MYO10: variants seen among roughly 807,000 people sequenced by gnomAD.
MYO10 encodes the protein unconventional myosin-X.
In MYO10, 133 loss-of-function variants were observed where a neutral mutation model predicts 257.3. The ratio of observed to expected loss-of-function variants is 0.52; its 90% CI spans 0.45 to 0.60. The LOEUF (loss-of-function observed/expected upper bound fraction) is 0.60. Ranked by LOEUF, MYO10 falls within the 20% of genes least tolerant of loss-of-function variation. The probability of loss-of-function intolerance (pLI) is 0.00; values close to 1 mark genes in which losing one functional copy is unlikely to be tolerated. For missense variants in MYO10, 2,399 were observed against 2,635.7 expected (o/e 0.91, Z 1.97); for synonymous variants, 1,104 against 1,028.6 (o/e 1.07, Z -1.40).
intron 19 of MYO10, among the ~76,000 whole-genome samples, chr5:16,754,027 A>C (rs952421922): frequency 7.9e-5 from 12 of 152,186 alleles, no homozygotes; most frequent in African/African-American, 2.9e-4. Flanking sequence ...CATTACAATT[A>C]AATTACATAA....
intron 1 of MYO10, among the ~76,000 whole-genome samples, chr5:16,883,930 T>C (rs1744825733): frequency 6.6e-6 from 1 of 152,232 alleles, no homozygotes. Context: ...GAACATTCTT[T>C]AGCCAAACAT....
chr5:16,711,684 A>AG (rs1452888648), intron 19 of MYO10, among the ~76,000 whole-genome samples: 2 of 152,172 alleles, frequency 1.3e-5, no homozygotes, highest in Non-Finnish European at 2.9e-5. Context: ...CGGGAGGCTG[A>AG]GGCAGGAGAA....
At chr5:16,871,263 G>C (rs1310825337) in intron 2 of MYO10, among the ~76,000 whole-genome samples, 4 of 152,146 alleles carry the variant, frequency 2.6e-5, no homozygotes, top group Non-Finnish European at 5.9e-5. Flanking sequence ...AAGTAACCAA[G>C]GACAGGCTTG....
chr5:16,780,639 G>A (rs1465635957), intron 7 of MYO10, 31 bp from the exon 8 acceptor site: 5 of 1,551,236 alleles, frequency 3.2e-6, no homozygotes, highest in Non-Finnish European at 4.4e-6. Flanking sequence ...TATATTCAGA[G>A]ATGTGTCCTG....
At chr5:16,930,134 A>G (rs1035426511) in intron 1 of MYO10, among the ~76,000 whole-genome samples, 6 of 152,218 alleles carry the variant, frequency 3.9e-5, no homozygotes, top group African/African-American at 1.4e-4. Context: ...TAAAGCCTCT[A>G]GCTAACAGCA....
At position 16,763,770 on chromosome 5, in the gene MYO10, C is replaced by T. The variant is rs778687421; in HGVS notation, c.1327-15G>A. The T allele has an allele frequency of 1.9e-5, 27 of 1,440,948 alleles. 1 individual carries two copies. In the East Asian group the frequency reaches 5.5e-4, roughly 29 times the overall value. 89.3% of individuals were successfully genotyped at this position (1,440,948 alleles called of 1,614,324 possible). On this transcript the variant is annotated splice_polypyrimidine_tract_variant and intron_variant, in intron 12 of 40. Transcript: ENST00000513610. The stretch of plus-strand genomic sequence containing the variant: ...AAGTGATTAACCTAAGGGGGGAAAG[C>T]ATTCAATAAGTATCTTTAGTGTACT...
rs148919918 is a variant in MYO10 at position 16,711,787 on chromosome 5, GA to G, written c.1930-543del. On this transcript the variant is annotated intron_variant, in intron 19 of 40. Transcript: ENST00000513610. The stretch of plus-strand genomic sequence containing the variant: ...GTCTCAAAAAACAAAAAGAAAAAAA[GA>G]AAAAAAAAAGGAAAATCCCAAACAT... Among the ~76,000 whole-genome samples, 1,035 of 143,660 alleles carry G rather than the reference GA, an allele frequency of 7.2e-3. 4 individuals are homozygous for G. The highest frequency in any genetic ancestry group is 0.013 in the South Asian group (58 of 4,520). The allele number at this position is 143,660 out of a possible 152,430, so 94.2% of individuals were successfully genotyped here.
intron 35 of MYO10, 30 bp from the exon 36 acceptor site, chr5:16,673,919 T>C (rs1309413145): frequency 6.2e-7 from 1 of 1,601,720 alleles, no homozygotes; most frequent in South Asian, 1.1e-5. Flanking sequence ...TGTTAATTTT[T>C]AGACTGATGG....
At chr5:16,751,192 C>T (rs75185363) in intron 19 of MYO10, among the ~76,000 whole-genome samples, 2,092 of 152,114 alleles carry the variant, frequency 0.014, 52 homozygotes, top group African/African-American at 0.048. Context: ...TACACATTCC[C>T]CATCTCTGGA....
chr5:16,861,004 T>C (rs370068891), intron 2 of MYO10, among the ~76,000 whole-genome samples: 33 of 152,164 alleles, frequency 2.2e-4, no homozygotes, highest in African/African-American at 7.5e-4. Flanking sequence ...CTGAACCTGG[T>C]TGCTCATTAA....
rs545837514 is a variant in MYO10 at position 16,840,228 on chromosome 5, C to T, written c.121-22061G>A. 2.6e-5 allele frequency among the ~76,000 whole-genome samples: 4 copies of T among 152,180 alleles called. No homozygotes were observed. The East Asian group carries it at 7.8e-4, about 30-fold the overall frequency. ...AGAGGTTCGAGACCAGCCTGAACAACATGGTGAAAACTTGTCTCTATGACA... is the reference window on the plus strand; with the variant it reads ...AGAGGTTCGAGACCAGCCTGAACAATATGGTGAAAACTTGTCTCTATGACA... On this transcript the variant is annotated intron_variant, in intron 2 of 40. Transcript: ENST00000513610.
intron 28 of MYO10, among the ~76,000 whole-genome samples, chr5:16,688,530 C>T (rs959464523): frequency 2.0e-5 from 3 of 152,074 alleles, no homozygotes; most frequent in African/African-American, 4.8e-5. Context: ...CATCTGAGAT[C>T]GGGAGTTCGA....
chr5:16,856,567 G>C (rs144941818), intron 2 of MYO10, among the ~76,000 whole-genome samples: 1 of 151,754 alleles, frequency 6.6e-6, no homozygotes, highest in Non-Finnish European at 1.5e-5. Flanking sequence ...AAAAAAGAGC[G>C]AGCCGTTTCT....
chr5:16,780,793 A>G, intron 6 of MYO10, 52 bp from the exon 7 acceptor site: 3 of 1,506,978 alleles, frequency 2.0e-6, no homozygotes, highest in Non-Finnish European at 2.7e-6. Flanking sequence ...GCTATGTGCC[A>G]TGCTCAACTA....
chr5:16,782,278 C>A (rs1007596747), intron 5 of MYO10, among the ~76,000 whole-genome samples: 11 of 152,060 alleles, frequency 7.2e-5, no homozygotes, highest in Non-Finnish European at 1.3e-4. Flanking sequence ...AGATCAGGGG[C>A]CGGCAAACTT....
At chr5:16,869,721 C>T (rs761316387) in intron 2 of MYO10, among the ~76,000 whole-genome samples, 4 of 151,244 alleles carry the variant, frequency 2.6e-5, no homozygotes, top group East Asian at 2.0e-4. Flanking sequence ...AAAAATTAGC[C>T]GGGCGTGCTG....
chr5:16,891,374 A>G (rs200738912), intron 1 of MYO10, among the ~76,000 whole-genome samples: 1 of 94,060 alleles, frequency 1.1e-5, no homozygotes, highest in Non-Finnish European at 2.1e-5. Flanking sequence ...GAAGGAAGGA[A>G]GGAAGGAGAG....
chr5:16,757,703 C>T (rs1170766204), intron 18 of MYO10, among the ~76,000 whole-genome samples: 1 of 152,170 alleles, frequency 6.6e-6, no homozygotes, highest in East Asian at 1.9e-4. Flanking sequence ...CTTACGCTGT[C>T]ACCCAGGCTG....
chr5:16,709,795 A>C (rs1331203521), intron 21 of MYO10, among the ~76,000 whole-genome samples: 1 of 152,228 alleles, frequency 6.6e-6, no homozygotes, highest in East Asian at 1.9e-4. Context: ...ATTACAAAGC[A>C]ATAGCTAGCT....
Sources: gnomAD v4.1 joint callset for allele counts (sites outside exome capture counted in the v4.1 genomes callset) on GRCh38, gnomAD v4.1.1 for gene constraint, MANE v1.5 for transcripts, NCBI Gene and HGNC (gene_info 2026-07-23, HGNC 2026-07-21) for gene names.